The following GLRA3 variants were observed in gnomAD, a reference collection of about 807,000 sequenced individuals.
GLRA3 encodes the protein glycine receptor alpha 3, also known as glycine receptor subunit alpha-3.
A neutral mutation model predicts 60.4 loss-of-function variants in GLRA3; 44 were observed. That is an observed-to-expected ratio of 0.73 (90% CI 0.57 to 0.94). The LOEUF (loss-of-function observed/expected upper bound fraction) is 0.94. GLRA3 is among the 40% of genes least tolerant of loss of function. The probability of loss-of-function intolerance (pLI) is 0.00; values close to 1 mark genes in which losing one functional copy is unlikely to be tolerated. For synonymous variants in GLRA3, 223 were observed against 192.9 expected (o/e 1.16, Z -1.29); for missense variants, 508 against 564.6 (o/e 0.90, Z 1.02).
chr4:174,648,123 T>C (rs1732893234), intron 9 of GLRA3, among the ~76,000 whole-genome samples: 1 of 152,198 alleles, frequency 6.6e-6, no homozygotes, highest in Admixed American at 6.5e-5. Context: ...GCAGGTGTAA[T>C]GTCAATGACT....
chr4:174,807,135 A>G (rs1740082668), intron 1 of GLRA3, among the ~76,000 whole-genome samples: 1 of 152,058 alleles, frequency 6.6e-6, no homozygotes, highest in Non-Finnish European at 1.5e-5. Flanking sequence ...AGCAGACAAA[A>G]GAAGATACAG....
chr4:174,801,369 A>G (rs1739806386), intron 1 of GLRA3, among the ~76,000 whole-genome samples: 3 of 152,090 alleles, frequency 2.0e-5, no homozygotes, highest in Admixed American at 1.3e-4. Flanking sequence ...ATTTCAGTTT[A>G]TATCTCGAGC....
chr4:174,710,510 T>C (rs993888312), intron 5 of GLRA3, among the ~76,000 whole-genome samples: 5 of 152,140 alleles, frequency 3.3e-5, no homozygotes, highest in African/African-American at 4.8e-5. Flanking sequence ...AGCAAATATT[T>C]GAACAGGTTT....
intron 5 of GLRA3, chr4:174,713,718 ACTT>A (rs1472451626): frequency 6.6e-6 from 1 of 152,124 alleles, no homozygotes. Flanking sequence ...TTTTCCAACA[ACTT>A]CTAAATGTAG....
chr4:174,806,488 G>T lies in GLRA3; in HGVS notation c.72-17545C>A, dbSNP rs534615789. Among the ~76,000 whole-genome samples the T allele has an allele frequency of 1.8e-4, 28 of 152,164 alleles. No homozygotes were observed. The South Asian group carries it at 5.4e-3, about 29-fold the overall frequency. ...ATCTGTGTCAAGTTCTGCATCTGTG[G>T]ATTCAAAAAACCAGACATTGAAAAT... On this transcript the variant is annotated intron_variant, in intron 1 of 9. Coordinates refer to ENST00000274093, the MANE Select transcript of GLRA3 (RefSeq NM_006529.4).
intron 3 of GLRA3, among the ~76,000 whole-genome samples, chr4:174,750,823 T>A (rs1419970475): frequency 6.6e-6 from 1 of 152,044 alleles, no homozygotes; most frequent in Non-Finnish European, 1.5e-5. Flanking sequence ...TTAAGGAAGA[T>A]CCCACTTGTT....
chr4:174,720,393 T>C (rs1736087173), intron 4 of GLRA3, among the ~76,000 whole-genome samples: 1 of 152,246 alleles, frequency 6.6e-6, no homozygotes, highest in Non-Finnish European at 1.5e-5. Flanking sequence ...TCTGGCACTA[T>C]GCTGGGTGCT....
intron 3 of GLRA3, among the ~76,000 whole-genome samples, chr4:174,738,560 A>G (rs1407842088): frequency 2.0e-5 from 3 of 152,266 alleles, no homozygotes; most frequent in Non-Finnish European, 4.4e-5. Context: ...ATTTTGTTGA[A>G]TGTAAATCCT....
At chr4:174,667,004 T>C (rs1384584770) in intron 7 of GLRA3, among the ~76,000 whole-genome samples, 1 of 152,032 alleles carries the variant, frequency 6.6e-6, no homozygotes, top group Admixed American at 6.6e-5. Context: ...AACAAAGGTA[T>C]ATTTTGCTCT....
intron 3 of GLRA3, among the ~76,000 whole-genome samples, chr4:174,761,392 A>G (rs1312400491): frequency 6.6e-6 from 1 of 152,110 alleles, no homozygotes; most frequent in Middle Eastern, 3.2e-3. Context: ...TGAAAATTGA[A>G]AAACTGTAGG....
chr4:174,657,827 T>C (rs1733271352), intron 8 of GLRA3, among the ~76,000 whole-genome samples: 1 of 152,158 alleles, frequency 6.6e-6, no homozygotes, highest in Admixed American at 6.6e-5. Context: ...TTTAATTAAA[T>C]GCAAGTCTTA....
intron 4 of GLRA3, among the ~76,000 whole-genome samples, chr4:174,723,684 G>A (rs1736213755): frequency 6.6e-6 from 1 of 151,796 alleles, no homozygotes; most frequent in African/African-American, 2.4e-5. Context: ...AAAATAAAAT[G>A]ACACCTTTTA....
intron 3 of GLRA3, among the ~76,000 whole-genome samples, chr4:174,757,448 G>T (rs1362467516): frequency 6.6e-6 from 1 of 151,998 alleles, no homozygotes; most frequent in Non-Finnish European, 1.5e-5. Flanking sequence ...GTTGGGGTGG[G>T]AAAAATACAA....
Position 174,829,003 on chromosome 4 carries a change from C to A in GLRA3, c.-192G>T, listed in dbSNP as rs1578952010. On this transcript the variant is annotated 5_prime_UTR_variant, in exon 1 of 10. Transcript: ENST00000274093. ...TCAGCATTGAGCAGAAGTGGAGAGT[C>A]ACAGTGTTATAAATGTGCAGGTGAT... The A allele has an allele frequency of 1.1e-5, 6 of 565,002 alleles. No individual in the cohort carries two copies. The East Asian group carries it at 1.7e-4, about 16-fold the overall frequency. 35.0% of individuals were successfully genotyped at this position (565,002 alleles called of 1,614,324 possible).
chr4:174,667,533 C>T (rs908627013), intron 7 of GLRA3, among the ~76,000 whole-genome samples: 6 of 152,078 alleles, frequency 3.9e-5, no homozygotes, highest in Admixed American at 6.6e-5. Context: ...TTTCATAAAA[C>T]GATAGTGTCA....
chr4:174,748,990 T>C (rs1737353571), intron 3 of GLRA3, among the ~76,000 whole-genome samples: 1 of 152,220 alleles, frequency 6.6e-6, no homozygotes, highest in Admixed American at 6.5e-5. Context: ...AGTGGATTTA[T>C]GGGATTATAG....
rs1031233778 is a variant in GLRA3, at chr4:174,748,557, A to G, written c.267+18406T>C. 3.5e-4 allele frequency among the ~76,000 whole-genome samples: 53 copies of G among 152,204 alleles called. 1 individual carries two copies. The highest frequency in any genetic ancestry group is 3.3e-3 in the Admixed American group (51 of 15,282). ...TGAAATACATTGAGTGTGGTCCTGG[A>G]GTAAAAAGGACTTCAGGATTTGATG... On this transcript the variant is annotated intron_variant, in intron 3 of 9. Coordinates refer to ENST00000274093, the MANE Select transcript of GLRA3 (RefSeq NM_006529.4).
chr4:174,798,875 A>G (rs547735426), intron 1 of GLRA3, among the ~76,000 whole-genome samples: 1 of 151,984 alleles, frequency 6.6e-6, no homozygotes, highest in Non-Finnish European at 1.5e-5. Context: ...GAGCCGAGAT[A>G]GCACCACTGC....
At chr4:174,672,921 AGTGTGTGTGCATGT>A (rs969190047) in intron 7 of GLRA3, among the ~76,000 whole-genome samples, 1 of 151,978 alleles carries the variant, frequency 6.6e-6, no homozygotes, top group Non-Finnish European at 1.5e-5. Flanking sequence ...CGTTGTGTAT[AGTGTGTGTGCATGT>A]GTGTGTGTGC....
Sources: allele counts gnomAD v4.1 joint callset (sites outside exome capture counted in the v4.1 genomes callset), GRCh38; gene constraint gnomAD v4.1.1; transcripts MANE v1.5; gene names NCBI Gene and HGNC (gene_info 2026-07-23, HGNC 2026-07-21).